The following AMMECR1 variants were observed in gnomAD, a reference collection of about 807,000 sequenced individuals.
AMMECR1 encodes the protein nuclear protein AMMECR1.
Under a neutral mutation model 22.5 loss-of-function variants are expected in AMMECR1, and 3 were observed. The observed-to-expected ratio is 0.13, with a 90% CI of 0.06 to 0.35. The LOEUF (loss-of-function observed/expected upper bound fraction) is 0.35, where lower values mean the gene tolerates loss of function less well. Ranked by LOEUF, AMMECR1 falls within the 10% of genes least tolerant of loss-of-function variation. The pLI is 1.00. For synonymous variants in AMMECR1, 130 were observed against 116.7 expected (o/e 1.11, Z -0.74); for missense variants, 235 against 278.7 (o/e 0.84, Z 1.12).
chrX:110,378,806 C>T (rs777600588), intron 2 of AMMECR1, among the ~76,000 whole-genome samples: 69 of 111,548 alleles, frequency 6.2e-4, no homozygotes, highest in South Asian at 1.2e-3. Context: ...CTGTCCACCC[C>T]GACCCCCGCT....
At chrX:110,270,286 TAA>T (rs937625169) in intron 1 of AMMECR1, among the ~76,000 whole-genome samples, 4 of 111,761 alleles carry the variant, frequency 3.6e-5, no homozygotes, top group Non-Finnish European at 7.5e-5. Context: ...GTACATAGTT[TAA>T]AGTGTATATA....
At chrX:110,339,401 TAAAAAA>T (rs10664998) in intron 2 of AMMECR1, among the ~76,000 whole-genome samples, 1 of 48,958 alleles carries the variant, frequency 2.0e-5, no homozygotes, top group Non-Finnish European at 3.9e-5. Flanking sequence ...TGGTTTGTTG[TAAAAAA>T]AAAAAAAAAA....
At position 110,317,995 on chromosome X, in the gene AMMECR1, C is replaced by T; in HGVS notation, c.77G>A (p.Gly26Asp). The change falls in exon 1 of 6, where the codon GGC becomes GAC. Residue 26 changes from glycine (G) to aspartate (D), a missense_variant. This residue lies in a region of AMMECR1 where 124 missense variants were observed against 97.0 expected (regional missense o/e 1.28). Coordinates refer to ENST00000262844, the MANE Select transcript of AMMECR1 (RefSeq NM_015365.3). ...SPPSGSGGGG[G>D]ASSSSHCSGE... The stretch of plus-strand genomic sequence containing the variant: ...GCTGCAGTGGGAGGAGGAGGAGGCG[C>T]CACCACCGCCACCCGAGCCAGAGGG... 8.3e-7 allele frequency: 1 copy of T among 1,203,785 alleles called. No homozygotes were observed. The highest frequency in any genetic ancestry group is 1.1e-6 in the Non-Finnish European group (1 of 892,213).
intron 2 of AMMECR1, among the ~76,000 whole-genome samples, chrX:110,230,399 G>C (rs1285016667): frequency 8.9e-6 from 1 of 112,089 alleles, no homozygotes; most frequent in African/African-American, 3.2e-5. Context: ...GTCTGGAGTG[G>C]AACTCCAGCA....
chrX:110,319,925 C>T (rs1213755089), upstream of AMMECR1, among the ~76,000 whole-genome samples: 1 of 112,024 alleles, frequency 8.9e-6, no homozygotes, highest in Non-Finnish European at 1.9e-5. Context: ...GAAATAAGAA[C>T]TTAGTTTTTA....
intron 2 of AMMECR1, among the ~76,000 whole-genome samples, chrX:110,238,611 G>T (rs760001086): frequency 8.9e-6 from 1 of 112,553 alleles, no homozygotes; most frequent in South Asian, 3.7e-4. Flanking sequence ...AGGGGTGGCT[G>T]TGGGCACAGC....
chrX:110,311,679 C>G (rs905114297), intron 1 of AMMECR1, among the ~76,000 whole-genome samples: 1 of 112,008 alleles, frequency 8.9e-6, no homozygotes, highest in Non-Finnish European at 1.9e-5. Flanking sequence ...CATGCTCCAC[C>G]CAACCAACTA....
intron 1 of AMMECR1, among the ~76,000 whole-genome samples, chrX:110,267,406 A>T (rs1235901329): frequency 9.0e-6 from 1 of 110,657 alleles, no homozygotes; most frequent in Non-Finnish European, 1.9e-5. Flanking sequence ...TAAAAAAAAA[A>T]AAACTTTATT....
intron 2 of AMMECR1, among the ~76,000 whole-genome samples, chrX:110,423,301 C>G (rs55751827): frequency 9.4e-6 from 1 of 105,905 alleles, no homozygotes; most frequent in Non-Finnish European, 1.9e-5. Flanking sequence ...GCACTCCAAC[C>G]TGGGCAACAA....
intron 2 of AMMECR1, among the ~76,000 whole-genome samples, chrX:110,235,146 C>T (rs1193813261): frequency 2.7e-5 from 3 of 111,942 alleles, no homozygotes; most frequent in Non-Finnish European, 5.6e-5. Context: ...AAGAAAAAAA[C>T]CACCCTGTCG....
chrX:110,438,513 T>C (rs1272298238), intron 1 of AMMECR1, among the ~76,000 whole-genome samples: 1 of 111,687 alleles, frequency 9.0e-6, no homozygotes, highest in Non-Finnish European at 1.9e-5. Context: ...AGTATCATTT[T>C]CTCAGAGCTC....
In AMMECR1 at chrX:110,435,952, A is replaced by G. The variant is rs143370260; in HGVS notation, c.-294+3938T>C. On this transcript the variant is annotated intron_variant, in intron 1 of 7. Coordinates refer to the AMMECR1 transcript ENST00000372057. Reference sequence around the variant, plus strand: ...CCATTTCACAGGCAAAGAGCAAATCACAGAAAGAATGAGTAAGTTGTTCAA... The same window carrying G: ...CCATTTCACAGGCAAAGAGCAAATCGCAGAAAGAATGAGTAAGTTGTTCAA... Among the ~76,000 whole-genome samples the G allele has an allele frequency of 9.4e-3, 1,059 of 112,559 alleles. 3 individuals are homozygous for G. The highest frequency in any genetic ancestry group is 0.015 in the Non-Finnish European group (782 of 53,300).
intron 2 of AMMECR1, among the ~76,000 whole-genome samples, chrX:110,372,828 C>G (rs2068348884): frequency 9.0e-6 from 1 of 111,401 alleles, no homozygotes; most frequent in Non-Finnish European, 1.9e-5. Context: ...TCACCACTCA[C>G]AGGAAAAATG....
chrX:110,378,008 CAA>C (rs755483656), intron 2 of AMMECR1, among the ~76,000 whole-genome samples: 16 of 30,944 alleles, frequency 5.2e-4, no homozygotes, highest in African/African-American at 1.2e-3. Flanking sequence ...GACTCCGTCT[CAA>C]AAAAAAAAAA....
intron 2 of AMMECR1, among the ~76,000 whole-genome samples, chrX:110,355,089 G>A (rs780025392): frequency 1.6e-4 from 18 of 112,184 alleles, no homozygotes; most frequent in Admixed American, 9.5e-4. Flanking sequence ...AGAAAATACC[G>A]GGAAACATGT....
At chrX:110,229,122 C>A (rs1699062332) in intron 2 of AMMECR1, among the ~76,000 whole-genome samples, 1 of 112,389 alleles carries the variant, frequency 8.9e-6, no homozygotes, top group Non-Finnish European at 1.9e-5. Context: ...CTGCTAAAGT[C>A]TCATACGTTA....
intron 2 of AMMECR1, among the ~76,000 whole-genome samples, chrX:110,420,765 C>T (rs767773466): frequency 1.8e-5 from 2 of 111,580 alleles, no homozygotes; most frequent in South Asian, 3.8e-4. Flanking sequence ...AACTGGCCTC[C>T]GTCGTGAGAA....
chrX:110,340,861 A>G (rs1489625632), intron 2 of AMMECR1, among the ~76,000 whole-genome samples: 2 of 112,507 alleles, frequency 1.8e-5, no homozygotes, highest in Non-Finnish European at 3.7e-5. Context: ...AAAGGTCAAT[A>G]TTACTGTCAT....
intron 2 of AMMECR1, among the ~76,000 whole-genome samples, chrX:110,374,021 C>T (rs1220319136): frequency 9.0e-6 from 1 of 111,620 alleles, no homozygotes; most frequent in Non-Finnish European, 1.9e-5. Context: ...ATAGAAGACA[C>T]ACATGATATA....
Sources: gnomAD v4.1 joint callset for allele counts (sites outside exome capture counted in the v4.1 genomes callset) on GRCh38, gnomAD v4.1.1 for gene constraint, gnomAD v4.1.1 regional missense constraint, MANE v1.5 for transcripts, NCBI Gene and HGNC (gene_info 2026-07-23, HGNC 2026-07-21) for gene names.